The following PRKCE variants were observed in gnomAD, a reference collection of about 807,000 sequenced individuals.
PRKCE encodes the protein protein kinase C epsilon.
PRKCE carries 16 observed loss-of-function variants against 85.4 expected under a neutral mutation model. The ratio of observed to expected loss-of-function variants is 0.19; its 90% CI spans 0.13 to 0.28. PRKCE has a LOEUF of 0.28. Ranked by LOEUF, PRKCE falls within the 10% of genes least tolerant of loss-of-function variation. The pLI is 1.00. For missense variants in PRKCE, 573 were observed against 975.2 expected (o/e 0.59, Z 5.49); for synonymous variants, 388 against 371.5 (o/e 1.04, Z -0.51).
intron 1 of PRKCE, among the ~76,000 whole-genome samples, chr2:45,716,172 A>G (rs143111581): frequency 6.6e-6 from 1 of 152,312 alleles, no homozygotes; most frequent in East Asian, 1.9e-4. Flanking sequence ...CAGCTTTCAA[A>G]TGTCAAGGCT....
At chr2:45,825,257 G>A (rs944250313) in intron 1 of PRKCE, among the ~76,000 whole-genome samples, 2 of 152,190 alleles carry the variant, frequency 1.3e-5, no homozygotes, top group African/African-American at 4.8e-5. Flanking sequence ...AAGTAAGAGA[G>A]CACCTTGGGC....
intron 1 of PRKCE, among the ~76,000 whole-genome samples, chr2:45,680,457 T>G (rs369335657): frequency 1.3e-5 from 2 of 152,338 alleles, no homozygotes; most frequent in African/African-American, 2.4e-5. Context: ...TTTGGCCTTT[T>G]AGGCGCAAAC....
chr2:45,845,382 T>A (rs1182021419), intron 2 of PRKCE: 6 of 151,956 alleles, frequency 3.9e-5, no homozygotes, highest in African/African-American at 1.5e-4. Flanking sequence ...AGTATTTTTT[T>A]TTTTTTTTTT....
At chr2:45,932,508 T>C (rs1699118618) in intron 2 of PRKCE, among the ~76,000 whole-genome samples, 1 of 152,196 alleles carries the variant, frequency 6.6e-6, no homozygotes, top group African/African-American at 2.4e-5. Context: ...CTGTACAAAT[T>C]TACACACCCA....
intron 1 of PRKCE, among the ~76,000 whole-genome samples, chr2:45,766,908 G>A (rs558809905): frequency 2.0e-5 from 3 of 152,168 alleles, no homozygotes; most frequent in Non-Finnish European, 2.9e-5. Context: ...GGGCATGATG[G>A]CGTGTGCCAG....
rs1025187359 is a variant in PRKCE at position 46,087,889 on chromosome 2, G to A, written c.1592+1527G>A. Among the ~76,000 whole-genome samples the A allele has an allele frequency of 2.6e-5, 4 of 152,300 alleles. No homozygotes were observed. In the South Asian group the frequency reaches 8.3e-4, roughly 32 times the overall value. On this transcript the variant is annotated intron_variant, in intron 11 of 14. Transcript: ENST00000306156. ...TATGTGGCTTGCTCCTTCAAGGCCA[G>A]CAGGAGAGCAAGTCTTTTCTGCCGT...
Position 45,976,434 on chromosome 2 carries a change from A to G in PRKCE, c.418A>G (p.Lys140Glu), listed in dbSNP as rs771932545. ...CTGCTCTTGTCCTTCCCCAGCCCCT[A>G]AAGACAATGAAGAGCGTGTGTTCAG... ...DLSGSSGEAP[K>E]DNEERVFRER... The change falls in exon 3 of 15, where the codon AAA becomes GAA. Residue 140 changes from lysine (K) to glutamate (E), a missense_variant. Lys to Glu is a moderately conservative substitution (Grantham distance 56). Coordinates refer to ENST00000306156, the MANE Select transcript of PRKCE (RefSeq NM_005400.3). 2.5e-6 allele frequency: 4 copies of G among 1,599,622 alleles called. No homozygotes were observed. The highest frequency in any genetic ancestry group is 3.4e-6 in the Non-Finnish European group (4 of 1,179,862).
chr2:45,736,088 G>T (rs1194546560), intron 1 of PRKCE, among the ~76,000 whole-genome samples: 1 of 152,128 alleles, frequency 6.6e-6, no homozygotes, highest in Non-Finnish European at 1.5e-5. Context: ...AGCTACCAGA[G>T]TACCTGGGAT....
rs56012832 is a variant in PRKCE at position 45,982,686 on chromosome 2, G to A, written c.694-1865G>A. Reference sequence around the variant, plus strand: ...TGACATGTCCCCCTGCACACATGCCGTCTTTGTGTTGGTCTCTTGGTCAGT... The same window carrying A: ...TGACATGTCCCCCTGCACACATGCCATCTTTGTGTTGGTCTCTTGGTCAGT... On this transcript the variant is annotated intron_variant, in intron 5 of 14. Transcript: ENST00000306156. 5.2e-3 allele frequency among the ~76,000 whole-genome samples: 793 copies of A among 152,210 alleles called. 8 individuals are homozygous for A. Among genetic ancestry groups the A allele is most frequent in the African/African-American group, 0.018 (741 of 41,514 alleles).
chr2:45,838,753 C>T (rs889186658), intron 1 of PRKCE, among the ~76,000 whole-genome samples: 4 of 152,198 alleles, frequency 2.6e-5, no homozygotes, highest in Non-Finnish European at 4.4e-5. Flanking sequence ...GCTGGGACTA[C>T]AGCTGCCTGC....
intron 1 of PRKCE, among the ~76,000 whole-genome samples, chr2:45,756,432 A>T (rs1684011541): frequency 6.6e-6 from 1 of 152,212 alleles, no homozygotes; most frequent in Admixed American, 6.5e-5. Flanking sequence ...AACATTTTGC[A>T]AGTTTCTTAA....
chr2:45,652,506 A>G lies in PRKCE; in HGVS notation c.348+58A>G. ...CCCGGTTGTGGGGTCCCGGGGAAAG[A>G]CTCGCTGGTCTTGATCGTAGGGCTC... On this transcript the variant is annotated intron_variant, in intron 1 of 14. Coordinates refer to ENST00000306156, the MANE Select transcript of PRKCE (RefSeq NM_005400.3). The surrounding 1 kb of genome is among the most constrained non-coding windows in gnomAD (Gnocchi z 7.7). The G allele has an allele frequency of 6.9e-7, 1 of 1,459,778 alleles. No homozygotes were observed. Among genetic ancestry groups the G allele is most frequent in the South Asian group, 1.3e-5 (1 of 78,382 alleles). The allele number at this position is 1,459,778 out of a possible 1,614,324, so 90.4% of individuals were successfully genotyped here.
intron 13 of PRKCE, among the ~76,000 whole-genome samples, chr2:46,154,111 G>A (rs545253296): frequency 1.8e-4 from 28 of 152,182 alleles, no homozygotes; most frequent in Non-Finnish European, 2.2e-4. Flanking sequence ...CTTATGCCAC[G>A]AGAGCTTCCA....
chr2:45,717,828 A>G (rs925738228), intron 1 of PRKCE, among the ~76,000 whole-genome samples: 3 of 152,164 alleles, frequency 2.0e-5, no homozygotes, highest in Non-Finnish European at 4.4e-5. Context: ...GCTGTTAGCT[A>G]TGGGCAGAGG....
intron 10 of PRKCE, among the ~76,000 whole-genome samples, chr2:46,045,562 G>A (rs1708471434): frequency 6.6e-6 from 1 of 152,200 alleles, no homozygotes; most frequent in Non-Finnish European, 1.5e-5. Context: ...CTGGTATCAA[G>A]GGATATCCAC....
chr2:45,674,662 T>C (rs1047257346), intron 1 of PRKCE: 6 of 152,370 alleles, frequency 3.9e-5, no homozygotes, highest in Middle Eastern at 3.4e-3. Context: ...AGGAATTTTA[T>C]GGCACAGCCC....
chr2:45,957,262 G>T (rs1015014429), intron 2 of PRKCE, among the ~76,000 whole-genome samples: 1 of 152,284 alleles, frequency 6.6e-6, no homozygotes. Flanking sequence ...TAGGTTTTAC[G>T]TTTTTGTCCA....
At chr2:45,792,058 C>G (rs1231904764) in intron 1 of PRKCE, among the ~76,000 whole-genome samples, 1 of 152,214 alleles carries the variant, frequency 6.6e-6, no homozygotes, top group African/African-American at 2.4e-5. Flanking sequence ...GGAAAAGAGC[C>G]TTGCTTAGTT....
intron 13 of PRKCE, 94 bp downstream of exon 13, chr2:46,151,323 A>ACACC: frequency 3.0e-6 from 3 of 998,758 alleles, no homozygotes; most frequent in Non-Finnish European, 2.8e-6. Flanking sequence ...ACACACACAC[A>ACACC]CTCCCTTCTC....
Sources: gnomAD v4.1 joint callset for allele counts (sites outside exome capture counted in the v4.1 genomes callset) on GRCh38, gnomAD v4.1.1 for gene constraint, Gnocchi (gnomAD v3.1) non-coding constraint, MANE v1.5 for transcripts, NCBI Gene and HGNC (gene_info 2026-07-23, HGNC 2026-07-21) for gene names.